ASH1L: variants seen among roughly 807,000 people sequenced by gnomAD.
The protein encoded by ASH1L is histone-lysine N-methyltransferase ASH1L.
Under a neutral mutation model 269.0 loss-of-function variants are expected in ASH1L, and 23 were observed. The ratio of observed to expected loss-of-function variants is 0.09; its 90% confidence interval spans 0.06 to 0.12. The LOEUF is 0.12. Ranked by LOEUF, ASH1L falls within the 10% of genes least tolerant of loss-of-function variation. The pLI is 1.00. For synonymous variants in ASH1L, 1,187 were observed against 1,253.5 expected (o/e 0.95, Z 1.12); for missense variants, 2,912 against 3,567.8 (o/e 0.82, Z 4.68).
chr1:155,366,357 G>C (rs1207522961), intron 12 of ASH1L, among the ~76,000 whole-genome samples: 1 of 152,174 alleles, frequency 6.6e-6, no homozygotes, highest in Non-Finnish European at 1.5e-5. Context: ...GAAAACTCAT[G>C]CATAATCCAA....
At position 155,480,297 on chromosome 1, in the gene ASH1L, T is replaced by A; in HGVS notation, c.2573A>T (p.Gln858Leu). ...TGGGGGTTCTTGTTCTTCCTTAGACTGTAAAGAAAACACTTTAGAAGCAGG... is the reference window on the plus strand; with the variant it reads ...TGGGGGTTCTTGTTCTTCCTTAGACAGTAAAGAAAACACTTTAGAAGCAGG... Reference protein sequence around the residue: ...KIPASKVFSLQSKEEQEPPIL... With the variant: ...KIPASKVFSLLSKEEQEPPIL... Residue 858 changes from glutamine (Q) to leucine (L), a missense_variant, in exon 3 of 28, where the codon CAG (glutamine) becomes CTG (leucine). Physicochemically the swap from Gln to Leu is moderately radical, Grantham distance 113. This residue lies in a region of ASH1L where 715 missense variants were observed against 721.0 expected (regional missense o/e 0.99). Coordinates refer to ENST00000392403, the MANE Select transcript of ASH1L (RefSeq NM_018489.3). 6.2e-7 allele frequency: 1 copy of A among 1,614,058 alleles called. No homozygotes were observed. Among genetic ancestry groups the A allele is most frequent in the Non-Finnish European group, 8.5e-7 (1 of 1,179,918 alleles).
At chr1:155,420,009 A>G (rs1660535262) in intron 5 of ASH1L, among the ~76,000 whole-genome samples, 1 of 152,174 alleles carries the variant, frequency 6.6e-6, no homozygotes, top group Non-Finnish European at 1.5e-5. Flanking sequence ...TCAAAATTAA[A>G]CAATGCTACT....
At chr1:155,504,894 TGAC>T (rs1667721091) in intron 2 of ASH1L, among the ~76,000 whole-genome samples, 1 of 149,628 alleles carries the variant, frequency 6.7e-6, no homozygotes, top group Non-Finnish European at 1.5e-5. Flanking sequence ...CAGCTATAAA[TGAC>T]AGGGCCCCTA....
chr1:155,470,534 C>T (rs1223710417), intron 3 of ASH1L, among the ~76,000 whole-genome samples: 2 of 144,040 alleles, frequency 1.4e-5, no homozygotes, highest in South Asian at 2.2e-4. Context: ...TATAAATCAA[C>T]TTTAAAGCAG....
chr1:155,495,781 T>G (rs1378069417), intron 2 of ASH1L, among the ~76,000 whole-genome samples: 1 of 152,172 alleles, frequency 6.6e-6, no homozygotes, highest in Non-Finnish European at 1.5e-5. Context: ...GCGGATCACT[T>G]GAGGTCAGGA....
chr1:155,526,817 T>A (rs2148856844), intron 1 of ASH1L, among the ~76,000 whole-genome samples: 1 of 152,334 alleles, frequency 6.6e-6, no homozygotes, highest in East Asian at 1.9e-4. Flanking sequence ...GGCAACTATC[T>A]CCTTTCTCTC....
intron 1 of ASH1L, among the ~76,000 whole-genome samples, chr1:155,524,967 C>G (rs914016865): frequency 6.6e-6 from 1 of 151,942 alleles, no homozygotes; most frequent in Non-Finnish European, 1.5e-5. Context: ...TCAAATCCTG[C>G]CTGGGCACGG....
chr1:155,510,447 C>G (rs1324330895), intron 2 of ASH1L, among the ~76,000 whole-genome samples: 1 of 149,940 alleles, frequency 6.7e-6, no homozygotes, highest in Non-Finnish European at 1.5e-5. Context: ...ATTATATAAG[C>G]CACATTTCCA....
rs1350062052 is a variant in ASH1L, at chr1:155,336,610, G to T, written c.*1050C>A. 1 of 152,698 alleles carries T rather than the reference G, an allele frequency of 6.5e-6. No homozygotes were observed. Among genetic ancestry groups the T allele is most frequent in the Non-Finnish European group, 1.5e-5 (1 of 68,026 alleles). The allele number at this position is 152,698 out of a possible 1,614,324, so 9.5% of individuals were successfully genotyped here. ...ATATACCTCCTGATGTCATTCAGGAGGGTGAGGGAAGATGGGCTAGGGGTG... is the reference window on the plus strand; with the variant it reads ...ATATACCTCCTGATGTCATTCAGGATGGTGAGGGAAGATGGGCTAGGGGTG... On this transcript the variant is annotated 3_prime_UTR_variant, in exon 28 of 28. Transcript: ENST00000392403.
chr1:155,355,617 G>T (rs1654308020), intron 15 of ASH1L, among the ~76,000 whole-genome samples: 1 of 152,158 alleles, frequency 6.6e-6, no homozygotes, highest in Non-Finnish European at 1.5e-5. Context: ...GTGGTCTAGG[G>T]TGTGGCCTGG....
At chr1:155,388,453 G>A (rs1657623530) in intron 7 of ASH1L, among the ~76,000 whole-genome samples, 1 of 151,622 alleles carries the variant, frequency 6.6e-6, no homozygotes, top group South Asian at 2.1e-4. Context: ...ACCATACCTG[G>A]CTAAATTTTT....
At chr1:155,454,078 C>T (rs1363847634) in intron 4 of ASH1L, among the ~76,000 whole-genome samples, 1 of 152,226 alleles carries the variant, frequency 6.6e-6, no homozygotes. Flanking sequence ...GCACTCCAGC[C>T]TGAGCGACGG....
intron 6 of ASH1L, among the ~76,000 whole-genome samples, chr1:155,397,483 G>A (rs1185035616): frequency 6.7e-6 from 1 of 148,410 alleles, no homozygotes; most frequent in East Asian, 1.9e-4. Flanking sequence ...GACAACAAGA[G>A]CGAAACTCTG....
Position 155,335,837 on chromosome 1 carries a change from T to G in ASH1L, c.*1823A>C, listed in dbSNP as rs2148298518. 6.5e-6 allele frequency: 1 copy of G among 152,786 alleles called. No homozygotes were observed. Among genetic ancestry groups the G allele is most frequent in the South Asian group, 2.1e-4 (1 of 4,824 alleles). The allele number at this position is 152,786 out of a possible 1,614,324, so 9.5% of individuals were successfully genotyped here. ...AAACATTGAATTTTAATCTCTTTCT[T>G]GTCATTTTCTCGCTTTTGACTAAAA... On this transcript the variant is annotated 3_prime_UTR_variant, in exon 28 of 28. Coordinates refer to ENST00000392403, the MANE Select transcript of ASH1L (RefSeq NM_018489.3).
chr1:155,411,016 G>A (rs925875999), intron 6 of ASH1L, among the ~76,000 whole-genome samples: 2 of 152,078 alleles, frequency 1.3e-5, no homozygotes, highest in Non-Finnish European at 2.9e-5. Context: ...AAGTAACTAC[G>A]GACTTTGGGT....
chr1:155,473,492 ATTT>A (rs774259211), intron 3 of ASH1L, among the ~76,000 whole-genome samples: 5 of 127,738 alleles, frequency 3.9e-5, no homozygotes, highest in Non-Finnish European at 3.4e-5. Context: ...TAGTATTTCT[ATTT>A]TTTTTTTTTT....
Position 155,481,927 on chromosome 1 carries a change from C to T in ASH1L, c.943G>A (p.Val315Ile), listed in dbSNP as rs1448905012. The T allele has an allele frequency of 6.2e-7, 1 of 1,614,172 alleles. No individual in the cohort carries two copies. Among genetic ancestry groups the T allele is most frequent in the Non-Finnish European group, 8.5e-7 (1 of 1,180,022 alleles). ...VKKLGTGTTA[V>I]FINKNLGKKP... is the part of the protein sequence containing the mutation. The stretch of plus-strand genomic sequence containing the variant: ...TTGCCTAAGTTTTTATTAATGAATA[C>T]CGCTGTAGTGCCAGTTCCCAGTTTT... The change falls in exon 3 of 28, where the codon GTA (valine) becomes ATA (isoleucine). Residue 315 changes from valine (V) to isoleucine (I), a missense_variant. Physicochemically the swap from Val to Ile is conservative, Grantham distance 29 (BLOSUM62 3). Around this residue, in one of 13 missense-constraint regions of ASH1L, gnomAD observed 277 missense variants for 367.7 expected, o/e 0.75. Transcript: ENST00000392403.
At chr1:155,388,223 A>G (rs1657601087) in intron 7 of ASH1L, among the ~76,000 whole-genome samples, 2 of 152,196 alleles carry the variant, frequency 1.3e-5, no homozygotes, top group Non-Finnish European at 2.9e-5. Context: ...CTCTAACTAT[A>G]ATTAAGACTA....
chr1:155,384,418 T>C (rs1364408652), intron 7 of ASH1L, among the ~76,000 whole-genome samples: 3 of 152,178 alleles, frequency 2.0e-5, no homozygotes, highest in Non-Finnish European at 1.5e-5. Flanking sequence ...TCTACTGTCA[T>C]TTGAATTGTT....
Sources: gnomAD v4.1 joint callset for allele counts (sites outside exome capture counted in the v4.1 genomes callset) on GRCh38, gnomAD v4.1.1 for gene constraint, gnomAD v4.1.1 regional missense constraint, MANE v1.5 for transcripts, NCBI Gene and HGNC (gene_info 2026-07-23, HGNC 2026-07-21) for gene names.